Variants in SCNN1B observed in about 807,000 individuals in gnomAD.
SCNN1B encodes sodium channel epithelial 1 subunit beta, also known as epithelial sodium channel subunit beta.
SCNN1B carries 46 observed loss-of-function variants against 65.3 expected under a neutral mutation model. The ratio of observed to expected loss-of-function variants is 0.70; its 90% CI spans 0.56 to 0.90. The LOEUF is 0.90. Ranked by LOEUF, SCNN1B falls within the 40% of genes least tolerant of loss-of-function variation. SCNN1B has a pLI of 0.00. For synonymous variants in SCNN1B, 349 were observed against 330.6 expected (o/e 1.06, Z -0.60); for missense variants, 751 against 830.5 (o/e 0.90, Z 1.18).
intron 2 of SCNN1B, among the ~76,000 whole-genome samples, chr16:23,287,014 T>A (rs1960860303): frequency 6.6e-6 from 1 of 151,460 alleles, no homozygotes; most frequent in South Asian, 2.1e-4. Context: ...GTTGTTTTTT[T>A]TTTTTTTGAG....
At chr16:23,289,402 T>A (rs1960892600) in intron 2 of SCNN1B, among the ~76,000 whole-genome samples, 1 of 151,988 alleles carries the variant, frequency 6.6e-6, no homozygotes, top group African/African-American at 2.4e-5. Flanking sequence ...AAAATATTTT[T>A]AAAAATTAGC....
intron 1 of SCNN1B, among the ~76,000 whole-genome samples, chr16:23,321,103 G>A (rs978004349): frequency 6.6e-6 from 1 of 152,146 alleles, no homozygotes; most frequent in African/African-American, 2.4e-5. Flanking sequence ...GGAGTGCAGT[G>A]GTATGATAGC....
rs564980721 is a variant in SCNN1B at position 23,380,035 on chromosome 16, T to C, written c.1467-59T>C. 4 of 1,245,594 alleles carry C rather than the reference T, an allele frequency of 3.2e-6. No homozygotes were observed. The highest frequency in any genetic ancestry group is 1.7e-5 in the Admixed American group (1 of 59,520). 77.2% of individuals were successfully genotyped at this position (1,245,594 alleles called of 1,614,324 possible). ...GCATGTGTCTATGTGCGTGTGTGTG[T>C]GTCTGTCTGTTTGGAAGGGGGATAC... On this transcript the variant is annotated intron_variant, in intron 11 of 12. Coordinates refer to ENST00000343070, the MANE Select transcript of SCNN1B (RefSeq NM_000336.3). The surrounding 1 kb of genome is among the most constrained non-coding windows in gnomAD (Gnocchi z 5.4).
upstream of SCNN1B, chr16:23,302,276 C>T (rs561952549): frequency 6.5e-6 from 1 of 152,728 alleles, no homozygotes; most frequent in African/African-American, 2.4e-5. Context: ...CCCCGTGCTT[C>T]CCCGCCCCTG....
At chr16:23,305,581 A>ATAAATAT (rs1567290520) in intron 1 of SCNN1B, among the ~76,000 whole-genome samples, 29 of 33,402 alleles carry the variant, frequency 8.7e-4, no homozygotes, top group African/African-American at 3.5e-3. Context: ...TATATATTAT[A>ATAAATAT]TATATATATA....
intron 1 of SCNN1B, among the ~76,000 whole-genome samples, chr16:23,309,505 G>C (rs1402498817): frequency 6.6e-6 from 1 of 152,186 alleles, no homozygotes; most frequent in African/African-American, 2.4e-5. Context: ...TCCCACAATA[G>C]GCTGTTTGCA....
At chr16:23,366,920 C>G (rs536001265) in intron 4 of SCNN1B, among the ~76,000 whole-genome samples, 4 of 152,204 alleles carry the variant, frequency 2.6e-5, no homozygotes, top group Admixed American at 1.3e-4. Context: ...ACATGCACTT[C>G]GACTGAACAG....
chr16:23,309,899 C>G (rs760318162), intron 1 of SCNN1B, among the ~76,000 whole-genome samples: 2 of 152,204 alleles, frequency 1.3e-5, no homozygotes, highest in Non-Finnish European at 2.9e-5. Context: ...TGGGCCTTCT[C>G]TCTTGGCCCC....
Position 23,292,533 on chromosome 16 carries a change from T to C in SCNN1B, n.178+8729T>C, listed in dbSNP as rs140782521. ...CTTTTTATTTCTTTGAGACACGGTC[T>C]CACTCTGTTGCCCAGGCTGGAATGC... On this transcript the variant is annotated intron_variant and non_coding_transcript_variant, in intron 2 of 3. Coordinates refer to the SCNN1B transcript ENST00000569789. 3.5e-4 allele frequency among the ~76,000 whole-genome samples: 53 copies of C among 151,964 alleles called. No homozygotes were observed. The East Asian group carries it at 9.6e-3, about 27-fold the overall frequency.
chr16:23,331,451 A>G (rs561071646), intron 1 of SCNN1B, among the ~76,000 whole-genome samples: 1 of 151,616 alleles, frequency 6.6e-6, no homozygotes, highest in Admixed American at 6.6e-5. Context: ...CAGCCTCCCA[A>G]ATAGCTGCTA....
At chr16:23,285,496 A>G (rs1351060943) in intron 2 of SCNN1B, among the ~76,000 whole-genome samples, 2 of 152,160 alleles carry the variant, frequency 1.3e-5, no homozygotes, top group Admixed American at 1.3e-4. Flanking sequence ...TTAAAAAATA[A>G]TAAATGGGCC....
chr16:23,341,010 A>G (rs1477595473), intron 1 of SCNN1B, among the ~76,000 whole-genome samples: 3 of 152,090 alleles, frequency 2.0e-5, no homozygotes, highest in Admixed American at 2.0e-4. Flanking sequence ...CAGTTTGTCA[A>G]TTTCTACAAA....
intron 1 of SCNN1B, among the ~76,000 whole-genome samples, chr16:23,329,431 C>T (rs879771164): frequency 3.9e-5 from 6 of 152,142 alleles, no homozygotes; most frequent in Non-Finnish European, 8.8e-5. Context: ...ATTTTAAACG[C>T]TAGTTTTCCT....
chr16:23,288,019 G>T (rs1013103391), intron 2 of SCNN1B, among the ~76,000 whole-genome samples: 16 of 151,516 alleles, frequency 1.1e-4, no homozygotes, highest in Admixed American at 6.6e-5. Flanking sequence ...AGCTGGGCAT[G>T]GTGGTGTGTG....
chr16:23,345,009 A>AG (rs1962156757), intron 1 of SCNN1B, among the ~76,000 whole-genome samples: 2 of 148,890 alleles, frequency 1.3e-5, no homozygotes, highest in East Asian at 2.0e-4. Flanking sequence ...AGGAGAGAGA[A>AG]AGAGAGAGAG....
chr16:23,282,918 G>A (rs1596803627), intron 1 of SCNN1B, among the ~76,000 whole-genome samples: 1 of 152,210 alleles, frequency 6.6e-6, no homozygotes, highest in African/African-American at 2.4e-5. Context: ...TTCTGCTGCT[G>A]CTGTGTGCTG....
chr16:23,355,478 C>T lies in SCNN1B; in HGVS notation c.765C>T (p.Pro255=), dbSNP rs747411424. The change falls in exon 4 of 13, where the codon CCC becomes CCT. Residue 255 remains proline, a synonymous_variant. Transcript: ENST00000343070. ...TGGCCTGCCTATTCGGAGCTGAGCC[C>T]TGCAACTACCGGTGAGAGCCACCCC... The part of the protein sequence containing the change: ...MILACLFGAE[P]CNYRNFTSIF... The T allele has an allele frequency of 6.2e-7, 1 of 1,614,116 alleles. No homozygotes were observed. The highest frequency in any genetic ancestry group is 8.5e-7 in the Non-Finnish European group (1 of 1,180,028).
chr16:23,345,516 CT>C (rs1962168116), intron 1 of SCNN1B, among the ~76,000 whole-genome samples: 1 of 152,158 alleles, frequency 6.6e-6, no homozygotes, highest in Non-Finnish European at 1.5e-5. Flanking sequence ...CTCTTCTTTC[CT>C]CTGTATTGGC....
At chr16:23,350,107 C>T (rs1051509087) in intron 2 of SCNN1B, among the ~76,000 whole-genome samples, 1 of 152,068 alleles carries the variant, frequency 6.6e-6, no homozygotes, top group Non-Finnish European at 1.5e-5. Context: ...AATAAAACCA[C>T]TCTTCAACAA....
Sources: gnomAD v4.1 joint callset for allele counts (sites outside exome capture counted in the v4.1 genomes callset) on GRCh38, gnomAD v4.1.1 for gene constraint, Gnocchi (gnomAD v3.1) non-coding constraint, MANE v1.5 for transcripts, NCBI Gene and HGNC (gene_info 2026-07-23, HGNC 2026-07-21) for gene names.